CLNK: variants seen among roughly 807,000 people sequenced by gnomAD.
The protein encoded by CLNK is cytokine dependent hematopoietic cell linker, also known as cytokine-dependent hematopoietic cell linker.
In CLNK, 74 loss-of-function variants were observed where a neutral mutation model predicts 68.6. The observed-to-expected ratio is 1.08, with a 90% confidence interval of 0.89 to 1.31. The LOEUF (loss-of-function observed/expected upper bound fraction) is 1.31, where lower values mean the gene tolerates loss of function less well. Among genes scored for constraint, CLNK ranks in the 50% most tolerant of loss-of-function variants. The pLI is 0.00. For synonymous variants in CLNK, 198 were observed against 172.2 expected, an observed-to-expected ratio of 1.15 and a Z score of -1.17; for missense variants, 553 against 515.3, an observed-to-expected ratio of 1.07 and a Z score of -0.71.
chr4:10,586,250 G>C (rs945848947), intron 3 of CLNK, among the ~76,000 whole-genome samples: 1 of 151,592 alleles, frequency 6.6e-6, no homozygotes, highest in African/African-American at 2.4e-5. Context: ...GGGCATTTAG[G>C]TTTTTGCTAG....
chr4:10,692,834 G>A, the CLNK span, among the ~76,000 whole-genome samples: 1 of 152,178 alleles, frequency 6.6e-6, no homozygotes, highest in African/African-American at 2.4e-5. Context: ...GCTCAGCCTT[G>A]TAGATTAGCA....
intron 15 of CLNK, among the ~76,000 whole-genome samples, chr4:10,516,701 C>T (rs1459119382): frequency 1.2e-4 from 19 of 152,208 alleles, no homozygotes; most frequent in Admixed American, 9.2e-4. Flanking sequence ...TACAGGCGCC[C>T]GCCACCATGC....
intron 16 of CLNK, among the ~76,000 whole-genome samples, chr4:10,512,234 T>C (rs1228643562): frequency 7.6e-6 from 1 of 130,990 alleles, no homozygotes; most frequent in African/African-American, 2.9e-5. Flanking sequence ...AGGATATGCA[T>C]TTTTTTTTTT....
rs1394675621 is a variant in CLNK, at chr4:10,487,213, A to T, written c.*3254T>A. Reference sequence around the variant, plus strand: ...TGGGCATGCCAAATCCAAATCATTGAATATTCAATTACAGATCTAATAAAG... The same window carrying T: ...TGGGCATGCCAAATCCAAATCATTGTATATTCAATTACAGATCTAATAAAG... On this transcript the variant is annotated 3_prime_UTR_variant, in exon 19 of 19. Coordinates refer to ENST00000226951, the MANE Select transcript of CLNK (RefSeq NM_052964.4). 6.6e-6 allele frequency: 1 copy of T among 152,218 alleles called. No homozygotes were observed. Among genetic ancestry groups the T allele is most frequent in the Non-Finnish European group, 1.5e-5 (1 of 68,046 alleles). The allele number at this position is 152,218 out of a possible 1,614,324, so 9.4% of individuals were successfully genotyped here. A position where few individuals can be genotyped will look rare whatever the true frequency, so the allele number is the denominator to read the frequency against.
chr4:10,606,626 G>A (rs547862706), intron 2 of CLNK, among the ~76,000 whole-genome samples: 5 of 152,324 alleles, frequency 3.3e-5, no homozygotes, highest in African/African-American at 7.2e-5. Context: ...AAACATGTGA[G>A]TAATGTGTTG....
intron 18 of CLNK, among the ~76,000 whole-genome samples, chr4:10,492,805 T>C (rs979945884): frequency 6.6e-6 from 1 of 152,184 alleles, no homozygotes; most frequent in African/African-American, 2.4e-5. Flanking sequence ...TGATGTTAAC[T>C]AGTCCCTGGA....
chr4:10,637,787 A>G (rs1230318679), intron 2 of CLNK, among the ~76,000 whole-genome samples: 2 of 144,322 alleles, frequency 1.4e-5, no homozygotes, highest in Admixed American at 6.8e-5. Flanking sequence ...TAGTTTTAGT[A>G]GAGATGGGGT....
intron 10 of CLNK, among the ~76,000 whole-genome samples, chr4:10,541,581 A>G (rs1302482723): frequency 7.0e-6 from 1 of 143,002 alleles, no homozygotes; most frequent in African/African-American, 2.4e-5. Flanking sequence ...ATATTTATAT[A>G]TGTGTCATAT....
chr4:10,535,213 G>GAAAGAGAAAGAAAGAA (rs1390380873), intron 11 of CLNK, among the ~76,000 whole-genome samples: 1 of 131,392 alleles, frequency 7.6e-6, no homozygotes, highest in Non-Finnish European at 1.6e-5. Flanking sequence ...AAGAAAGAAA[G>GAAAGAGAAAGAAAGAA]AGAAAGAAAG....
chr4:10,537,686 C>CTTT (rs1718839460), intron 11 of CLNK, among the ~76,000 whole-genome samples: 2 of 14,150 alleles, frequency 1.4e-4, no homozygotes, highest in Admixed American at 1.4e-3. Context: ...TTTCTTCCTT[C>CTTT]CTTCCTTCCT....
intron 2 of CLNK, among the ~76,000 whole-genome samples, chr4:10,610,159 C>G (rs1251275945): frequency 1.4e-5 from 2 of 147,378 alleles, no homozygotes; most frequent in Admixed American, 6.8e-5. Context: ...CGGGTTCACG[C>G]CATTCTCCTG....
intron 7 of CLNK, among the ~76,000 whole-genome samples, chr4:10,561,302 A>G (rs766574058): frequency 1.3e-5 from 2 of 152,146 alleles, no homozygotes; most frequent in Admixed American, 6.6e-5. Context: ...TTTTCCTCAC[A>G]TAATTTCATT....
At chr4:10,583,832 T>C (rs560127309) in intron 4 of CLNK, among the ~76,000 whole-genome samples, 4 of 152,338 alleles carry the variant, frequency 2.6e-5, no homozygotes, top group South Asian at 2.1e-4. Context: ...AGGAAGAGGA[T>C]ACAGGTAGTT....
chr4:10,572,943 C>A (rs1720406679), intron 4 of CLNK, among the ~76,000 whole-genome samples: 1 of 152,202 alleles, frequency 6.6e-6, no homozygotes, highest in Non-Finnish European at 1.5e-5. Flanking sequence ...ATTCTCGTGC[C>A]TCAGCCTCCC....
intron 11 of CLNK, among the ~76,000 whole-genome samples, chr4:10,533,024 G>A (rs1718610478): frequency 2.0e-5 from 3 of 152,206 alleles, no homozygotes; most frequent in Admixed American, 2.0e-4. Flanking sequence ...TTGGGAGGCT[G>A]AGGCAGGCTG....
At chr4:10,676,764 T>G (rs1170620076) in intron 1 of CLNK, among the ~76,000 whole-genome samples, 1 of 152,064 alleles carries the variant, frequency 6.6e-6, no homozygotes, top group African/African-American at 2.4e-5. Context: ...TCCTGTTCAT[T>G]TAGCTTTCTC....
chr4:10,562,199 C>A (rs1184716116), intron 7 of CLNK, among the ~76,000 whole-genome samples: 1 of 149,284 alleles, frequency 6.7e-6, no homozygotes, highest in Non-Finnish European at 1.5e-5. Flanking sequence ...CTCCCAGGCT[C>A]AAATAATCCT....
chr4:10,506,647 A>G (rs943679286), intron 17 of CLNK, among the ~76,000 whole-genome samples: 1 of 152,200 alleles, frequency 6.6e-6, no homozygotes, highest in Admixed American at 6.5e-5. Flanking sequence ...TCTATAGTCC[A>G]GTTTCCAGAT....
At chr4:10,647,965 G>T (rs1723577993) in intron 2 of CLNK, among the ~76,000 whole-genome samples, 1 of 152,012 alleles carries the variant, frequency 6.6e-6, no homozygotes, top group African/African-American at 2.4e-5. Flanking sequence ...ACAACTAATT[G>T]TGTCAAATCC....
Sources: allele counts gnomAD v4.1 joint callset (sites outside exome capture counted in the v4.1 genomes callset), GRCh38; gene constraint gnomAD v4.1.1; transcripts MANE v1.5; gene names NCBI Gene and HGNC (gene_info 2026-07-23, HGNC 2026-07-21).